Variants in OR3A2 observed in about 807,000 individuals in gnomAD.
OR3A2 encodes olfactory receptor 3A2.
For synonymous variants in OR3A2, 126 were observed against 159.3 expected (o/e 0.79, Z 1.57); for missense variants, 318 against 392.8 (o/e 0.81, Z 1.61).
intron 3 of OR3A2, among the ~76,000 whole-genome samples, chr17:3,313,901 C>T (rs932892360): frequency 7.2e-5 from 11 of 152,170 alleles, no homozygotes; most frequent in African/African-American, 2.4e-4. Flanking sequence ...GAAAGCATGA[C>T]TTATGATAAG....
intron 3 of OR3A2, among the ~76,000 whole-genome samples, chr17:3,308,334 AGGCTGCTGGGCCGGCG>A (rs2049013269): frequency 1.3e-5 from 2 of 152,114 alleles, no homozygotes; most frequent in African/African-American, 4.8e-5. Flanking sequence ...CCCTCTGCAG[AGGCTGCTGGGCCGGCG>A]GGACTGTCCC....
chr17:3,344,772 C>A lies in OR3A2; in HGVS notation c.-178-8646G>T, dbSNP rs997002584. 7.9e-5 allele frequency among the ~76,000 whole-genome samples: 12 copies of A among 152,166 alleles called. 1 individual carries two copies. The highest frequency in any genetic ancestry group is 2.4e-4 in the African/African-American group (10 of 41,450). On this transcript the variant is annotated intron_variant, in intron 2 of 4. Coordinates refer to the OR3A2 transcript ENST00000573491. ...CTGGTCAAGCAGTATACCAAATCCT[C>A]CAGTTATAGCTTTAGGGAAGGGCAT...
At chr17:3,278,671 C>T in exon 2 of OR3A2, 2 of 1,395,052 alleles carry the variant, frequency 1.4e-6, no homozygotes, top group Non-Finnish European at 2.0e-6. Flanking sequence ...CCCAACATTG[C>T]AGGAACAGTG....
intron 2 of OR3A2, among the ~76,000 whole-genome samples, chr17:3,344,389 T>G (rs7222594): frequency 3.3e-5 from 5 of 152,014 alleles, no homozygotes; most frequent in African/African-American, 1.2e-4. Flanking sequence ...ACAAACAAGA[T>G]AGCCTTGTGG....
chr17:3,278,193 G>A (rs1238037716), exon 2 of OR3A2: 3 of 1,614,238 alleles, frequency 1.9e-6, no homozygotes, highest in Admixed American at 3.3e-5. Context: ...GCCACACGTG[G>A]AGAAGGCCTT....
At chr17:3,370,537 T>C (rs1050687250) in intron 2 of OR3A2, among the ~76,000 whole-genome samples, 13 of 152,238 alleles carry the variant, frequency 8.5e-5, no homozygotes, top group Non-Finnish European at 1.6e-4. Flanking sequence ...GCTCTGATCT[T>C]TGTTATTTCT....
chr17:3,327,972 G>A (rs2049191722), intron 3 of OR3A2, among the ~76,000 whole-genome samples: 1 of 129,614 alleles, frequency 7.7e-6, no homozygotes, highest in Non-Finnish European at 1.6e-5. Context: ...TTGTAGTATA[G>A]TTTGAAGTCA....
exon 2 of OR3A2, chr17:3,278,553 G>A: frequency 6.2e-7 from 1 of 1,612,558 alleles, no homozygotes; most frequent in Non-Finnish European, 8.5e-7. Flanking sequence ...TCGGTCATAG[G>A]CCATGGCGGT....
intron 2 of OR3A2, among the ~76,000 whole-genome samples, chr17:3,372,683 G>A (rs1413163598): frequency 6.6e-6 from 1 of 152,064 alleles, no homozygotes; most frequent in African/African-American, 2.4e-5. Flanking sequence ...AACCAGTCAG[G>A]CGTGGCGGCG....
At chr17:3,330,643 T>C (rs975277644) in intron 3 of OR3A2, among the ~76,000 whole-genome samples, 7 of 152,124 alleles carry the variant, frequency 4.6e-5, no homozygotes, top group African/African-American at 1.4e-4. Context: ...TACAGCACAC[T>C]GATGGGTCTT....
At chr17:3,291,529 C>A in intron 3 of OR3A2, 1 of 808,996 alleles carries the variant, frequency 1.2e-6, no homozygotes, top group Non-Finnish European at 1.9e-6. Context: ...CCTTCTTATG[C>A]CCATGAAACA....
intron 2 of OR3A2, among the ~76,000 whole-genome samples, chr17:3,347,954 G>A (rs1351100985): frequency 4.6e-5 from 7 of 152,188 alleles, no homozygotes; most frequent in African/African-American, 7.2e-5. Flanking sequence ...GTGTGAAATG[G>A]TATCTCATTG....
chr17:3,345,424 G>GAGAC (rs939603771), intron 2 of OR3A2, among the ~76,000 whole-genome samples: 7 of 83,922 alleles, frequency 8.3e-5, no homozygotes, highest in African/African-American at 3.7e-4. Flanking sequence ...AAAGGAAAGA[G>GAGAC]AGAGAGAGAG....
Position 3,311,576 on chromosome 17 carries a change from T to C in OR3A2, c.-85+24457A>G. On this transcript the variant is annotated intron_variant, in intron 3 of 4. Transcript: ENST00000573491. The surrounding 1 kb of genome is among the most constrained non-coding windows in gnomAD (Gnocchi z 4.6). ...CAGCTCTCTTGCTCCAGCATCCACCTCAATGGGCAGCTGCTGCTTGTGGGG... is the reference window on the plus strand; with the variant it reads ...CAGCTCTCTTGCTCCAGCATCCACCCCAATGGGCAGCTGCTGCTTGTGGGG... 1 of 416,868 alleles carries C rather than the reference T, an allele frequency of 2.4e-6. No individual in the cohort carries two copies. The highest frequency in any genetic ancestry group is 5.9e-5 in the East Asian group (1 of 16,968). The allele number at this position is 416,868 out of a possible 1,614,324, so 25.8% of individuals were successfully genotyped here.
intron 2 of OR3A2, among the ~76,000 whole-genome samples, chr17:3,371,987 C>A (rs1351872135): frequency 1.4e-5 from 2 of 143,926 alleles, no homozygotes; most frequent in East Asian, 4.8e-4. Context: ...ACTTCCCAGA[C>A]GGGGTGGCTG....
At chr17:3,328,805 A>G (rs996025396) in intron 3 of OR3A2, among the ~76,000 whole-genome samples, 4 of 143,612 alleles carry the variant, frequency 2.8e-5, no homozygotes, top group African/African-American at 1.1e-4. Flanking sequence ...TTCTGCATCT[A>G]TTGAGATAAT....
intron 2 of OR3A2, among the ~76,000 whole-genome samples, chr17:3,373,632 C>A (rs2049653168): frequency 6.6e-6 from 1 of 152,134 alleles, no homozygotes; most frequent in Non-Finnish European, 1.5e-5. Context: ...CTTTTGGTTT[C>A]CATTTGCATG....
intron 2 of OR3A2, among the ~76,000 whole-genome samples, chr17:3,339,872 G>A (rs2049302666): frequency 6.6e-6 from 1 of 152,080 alleles, no homozygotes; most frequent in Non-Finnish European, 1.5e-5. Flanking sequence ...TGTACTTCGG[G>A]TAGAATTCAG....
intron 2 of OR3A2, among the ~76,000 whole-genome samples, chr17:3,357,373 A>G (rs1329018471): frequency 6.6e-6 from 1 of 151,752 alleles, no homozygotes; most frequent in East Asian, 1.9e-4. Context: ...GGCAAAGTAC[A>G]TAATGCAGAC....
Sources: gnomAD v4.1 joint callset for allele counts (sites outside exome capture counted in the v4.1 genomes callset) on GRCh38, gnomAD v4.1.1 for gene constraint, Gnocchi (gnomAD v3.1) non-coding constraint, MANE v1.5 for transcripts, NCBI Gene and HGNC (gene_info 2026-07-23, HGNC 2026-07-21) for gene names.